The following PSME4 variants were observed in gnomAD, a reference collection of about 807,000 sequenced individuals.
PSME4 encodes the protein proteasome activator complex subunit 4.
PSME4 carries 89 observed loss-of-function variants against 253.9 expected under a neutral mutation model. The ratio of observed to expected loss-of-function variants is 0.35; its 90% CI spans 0.30 to 0.42. The LOEUF (loss-of-function observed/expected upper bound fraction) is 0.42, where lower values mean the gene tolerates loss of function less well. Ranked by LOEUF, PSME4 falls within the 10% of genes least tolerant of loss-of-function variation. PSME4 has a pLI of 1.00. For missense variants in PSME4, 2,014 were observed against 2,195.2 expected (o/e 0.92, Z 1.65); for synonymous variants, 851 against 759.2 (o/e 1.12, Z -1.99).
Position 53,890,147 on chromosome 2 carries a change from A to G in PSME4, c.4253T>C (p.Val1418Ala). 1 of 1,613,984 alleles carries G rather than the reference A, an allele frequency of 6.2e-7. No individual in the cohort carries two copies. Among genetic ancestry groups the G allele is most frequent in the Non-Finnish European group, 8.5e-7 (1 of 1,179,902 alleles). The change falls in exon 37 of 47, where the codon GTA becomes GCA. Residue 1418 changes from valine to alanine, a missense_variant. Coordinates refer to ENST00000404125, the MANE Select transcript of PSME4 (RefSeq NM_014614.3). ...LLRTALSNITVETYNDWGACI... is the reference protein window; with the variant it reads ...LLRTALSNITAETYNDWGACI... Reference sequence around the variant, plus strand: ...AGCTCCCCAGTCATTATAAGTTTCTACGGTAATATTGGACAGTGCTGTTCT... The same window carrying G: ...AGCTCCCCAGTCATTATAAGTTTCTGCGGTAATATTGGACAGTGCTGTTCT...
chr2:53,887,774 C>A, intron 39 of PSME4, 84 bp downstream of exon 39: 2 of 1,413,202 alleles, frequency 1.4e-6, no homozygotes, highest in Non-Finnish European at 9.6e-7. Context: ...GACAACATAA[C>A]CAGCATGTAT....
chr2:53,921,655 T>A, intron 17 of PSME4, among the ~76,000 whole-genome samples: 2 of 132,144 alleles, frequency 1.5e-5, no homozygotes, highest in African/African-American at 2.8e-5. Context: ...GATCACGAGG[T>A]CAGGAGATCG....
At chr2:53,965,779 T>C (rs809808) in intron 1 of PSME4, among the ~76,000 whole-genome samples, 150,764 of 151,936 alleles carry the variant, frequency 0.99, 74,803 homozygotes, top group Middle Eastern at 1. Flanking sequence ...AAGCAATTCT[T>C]CTGCCTCAGC....
intron 41 of PSME4, among the ~76,000 whole-genome samples, chr2:53,880,707 G>A (rs887063800): frequency 3.3e-5 from 5 of 152,172 alleles, no homozygotes; most frequent in African/African-American, 7.2e-5. Context: ...AAACACTTTC[G>A]TAGGGTAAAG....
rs187661018 is a variant in PSME4, at chr2:53,940,481, C to T, written c.501-481G>A. Reference sequence around the variant, plus strand: ...GCACTTTAAGGCCAGCAACAATTATCAAAAAGAACAATAGCATCTCTTTGA... The same window carrying T: ...GCACTTTAAGGCCAGCAACAATTATTAAAAAGAACAATAGCATCTCTTTGA... On this transcript the variant is annotated intron_variant, in intron 3 of 46. Coordinates refer to ENST00000404125, the MANE Select transcript of PSME4 (RefSeq NM_014614.3). Among the ~76,000 whole-genome samples, 666 of 152,072 alleles carry T rather than the reference C, an allele frequency of 4.4e-3. 3 individuals carry two copies. The highest frequency in any genetic ancestry group is 5.4e-3 in the Non-Finnish European group (364 of 67,966).
At chr2:53,926,254 C>T (rs1226587501) in intron 12 of PSME4, among the ~76,000 whole-genome samples, 1 of 152,100 alleles carries the variant, frequency 6.6e-6, no homozygotes, top group Non-Finnish European at 1.5e-5. Flanking sequence ...TTACAAGGGC[C>T]AAATACAGAA....
intron 26 of PSME4, among the ~76,000 whole-genome samples, chr2:53,905,186 C>G (rs866219727): frequency 2.0e-5 from 3 of 151,206 alleles, no homozygotes; most frequent in African/African-American, 2.4e-5. Flanking sequence ...CATGCCACCA[C>G]GCCTGGCTAA....
chr2:53,885,177 T>C (rs1233069961), intron 41 of PSME4, among the ~76,000 whole-genome samples: 1 of 152,192 alleles, frequency 6.6e-6, no homozygotes. Context: ...CCTGAGTAGA[T>C]GATTAGATAA....
chr2:53,947,195 C>T (rs1003976515), intron 3 of PSME4, among the ~76,000 whole-genome samples: 1 of 152,158 alleles, frequency 6.6e-6, no homozygotes, highest in Admixed American at 6.5e-5. Flanking sequence ...TTGCCATCTG[C>T]ACTCATTTTC....
intron 28 of PSME4, among the ~76,000 whole-genome samples, chr2:53,900,324 C>A (rs769526373): frequency 6.6e-6 from 1 of 150,880 alleles, no homozygotes; most frequent in East Asian, 1.9e-4. Flanking sequence ...TTTGGGAGGT[C>A]AAGGTGAGGG....
intron 2 of PSME4, among the ~76,000 whole-genome samples, chr2:53,948,899 TAAC>T: frequency 6.6e-6 from 1 of 152,182 alleles, no homozygotes. Context: ...TCAAGGGACT[TAAC>T]AACCTATAAA....
intron 26 of PSME4, among the ~76,000 whole-genome samples, chr2:53,904,741 C>A (rs1048566385): frequency 3.9e-5 from 6 of 152,082 alleles, no homozygotes; most frequent in African/African-American, 1.4e-4. Flanking sequence ...GTAATCCCAG[C>A]ACTTTGGGAG....
intron 20 of PSME4, 77 bp from the exon 21 acceptor site, chr2:53,910,207 A>G (rs377023751): frequency 1.7e-6 from 2 of 1,169,730 alleles, no homozygotes; most frequent in Non-Finnish European, 2.6e-6. Flanking sequence ...TCATTGCTGG[A>G]CTGTTTAAAC....
At chr2:53,944,794 CTG>C (rs1669627710) in intron 3 of PSME4, among the ~76,000 whole-genome samples, 1 of 152,060 alleles carries the variant, frequency 6.6e-6, no homozygotes, top group African/African-American at 2.4e-5. Flanking sequence ...AAGGATTTAA[CTG>C]TATCTTAAAG....
chr2:53,967,449 C>T (rs10194987), intron 1 of PSME4, among the ~76,000 whole-genome samples: 3,056 of 151,722 alleles, frequency 0.02, 102 homozygotes, highest in African/African-American at 0.07. Context: ...CGAGACCAGC[C>T]TTGCCAAAAT....
intron 1 of PSME4, among the ~76,000 whole-genome samples, chr2:53,959,361 T>G (rs1670377985): frequency 1.3e-5 from 2 of 151,748 alleles, no homozygotes; most frequent in South Asian, 4.2e-4. Context: ...CGAGACTCTG[T>G]CTCAAAAAAA....
intron 41 of PSME4, among the ~76,000 whole-genome samples, chr2:53,880,608 T>C (rs1283503433): frequency 6.6e-6 from 1 of 152,184 alleles, no homozygotes; most frequent in Non-Finnish European, 1.5e-5. Flanking sequence ...TTTTGTGTAA[T>C]GATATGAAAA....
chr2:53,926,059 G>T (rs1403012407), intron 12 of PSME4, 36 bp from the exon 13 acceptor site: 9 of 1,555,352 alleles, frequency 5.8e-6, no homozygotes, highest in Non-Finnish European at 7.1e-6. Context: ...ATTACATATA[G>T]CCTTTGTTTT....
Position 53,890,168 on chromosome 2 carries a change from G to A in PSME4, c.4232C>T (p.Thr1411Ile). 1 of 1,613,924 alleles carries A rather than the reference G, an allele frequency of 6.2e-7. No homozygotes were observed. ...LWELLCPLLRTALSNITVETY... is the reference protein window; with the variant it reads ...LWELLCPLLRIALSNITVETY... ...TTCTACGGTAATATTGGACAGTGCTGTTCTAAGCAGAGGGCACAGAAGCTC... is the reference window on the plus strand; with the variant it reads ...TTCTACGGTAATATTGGACAGTGCTATTCTAAGCAGAGGGCACAGAAGCTC... The change falls in exon 37 of 47, where the codon ACA (threonine) becomes ATA (isoleucine). Residue 1411 changes from threonine to isoleucine, a missense_variant. Around this residue, in one of 4 missense-constraint regions of PSME4, gnomAD observed 403 missense variants for 556.1 expected, o/e 0.72. Transcript: ENST00000404125.
Sources: allele counts gnomAD v4.1 joint callset (sites outside exome capture counted in the v4.1 genomes callset), GRCh38; gene constraint gnomAD v4.1.1; regional missense constraint gnomAD v4.1.1; transcripts MANE v1.5; gene names NCBI Gene and HGNC (gene_info 2026-07-23, HGNC 2026-07-21).